The following TRIM9 variants were observed in gnomAD, a reference collection of about 807,000 sequenced individuals.
TRIM9 encodes E3 ubiquitin-protein ligase TRIM9.
TRIM9 carries 26 observed loss-of-function variants against 78.3 expected under a neutral mutation model. That is an observed-to-expected ratio of 0.33 (90% CI 0.24 to 0.46). The LOEUF is 0.46. Ranked by LOEUF, TRIM9 falls within the 20% of genes least tolerant of loss-of-function variation. The pLI is 1.00. For missense variants in TRIM9, 787 were observed against 1,036.4 expected, an observed-to-expected ratio of 0.76 and a Z score of 3.30; for synonymous variants, 398 against 416.5, an observed-to-expected ratio of 0.96 and a Z score of 0.54.
chr14:51,006,164 T>G (rs8006268), intron 5 of TRIM9, among the ~76,000 whole-genome samples: 8,047 of 152,266 alleles, frequency 0.053, 415 homozygotes, highest in African/African-American at 0.13. Flanking sequence ...TTAAGTAAAT[T>G]TGAAAATATT....
chr14:51,085,710 T>C (rs1463602633), intron 1 of TRIM9, among the ~76,000 whole-genome samples: 1 of 152,386 alleles, frequency 6.6e-6, no homozygotes, highest in East Asian at 1.9e-4. Context: ...CTATGGATTT[T>C]TATTTTTAAA....
rs1265431735 is a variant in TRIM9 at position 51,094,575 on chromosome 14, C to G, written c.365G>C (p.Arg122Pro). ...HLSPALAPVP[R>P]NSCITCPQCH... ...CTGGGGGCAGGTGATACAGGAGTTG[C>G]GGGGCACCGGGGCCAGGGCCGGTGA... Residue 122 changes from arginine to proline, a missense_variant, in exon 1 of 13, where the codon CGC becomes CCC. Arg to Pro is a moderately radical substitution (Grantham distance 103). Around this residue, in one of 3 missense-constraint regions of TRIM9, gnomAD observed 352 missense variants for 472.3 expected, o/e 0.75. Transcript: ENST00000684578. 1 of 1,611,616 alleles carries G rather than the reference C, an allele frequency of 6.2e-7. No individual in the cohort carries two copies. The highest frequency in any genetic ancestry group is 1.3e-5 in the African/African-American group (1 of 74,898).
At chr14:51,076,628 T>C (rs2062805269) in intron 1 of TRIM9, among the ~76,000 whole-genome samples, 1 of 152,224 alleles carries the variant, frequency 6.6e-6, no homozygotes, top group South Asian at 2.1e-4. Context: ...TAGCGCCATT[T>C]AACATGTGCC....
chr14:51,077,764 T>G (rs1254838444), intron 1 of TRIM9, among the ~76,000 whole-genome samples: 1 of 152,162 alleles, frequency 6.6e-6, no homozygotes. Flanking sequence ...GGATATGAAA[T>G]CACATCTCAT....
At chr14:51,000,939 T>C (rs1208233657) in intron 5 of TRIM9, 99 bp from the exon 6 acceptor site, 5 of 1,417,736 alleles carry the variant, frequency 3.5e-6, no homozygotes, top group Non-Finnish European at 4.9e-6. Context: ...TGGTTAGAAG[T>C]AGCCAGAATG....
Position 51,094,787 on chromosome 14 carries a change from C to T in TRIM9, c.153G>A (p.Arg51=), listed in dbSNP as rs765057735. 43 of 1,529,996 alleles carry T rather than the reference C, an allele frequency of 2.8e-5. No homozygotes were observed. The highest frequency in any genetic ancestry group is 3.8e-5 in the Non-Finnish European group (43 of 1,141,806). The allele number at this position is 1,529,996 out of a possible 1,614,324, so 94.8% of individuals were successfully genotyped here. ...TPESESPQSH[R]AAGSGVSDYD... ...AGTCGGAGACCCCGGAGCCCGCGGC[C>T]CGATGGCTCTGGGGGGATTCAGACT... Residue 51 remains arginine, a synonymous_variant, in exon 1 of 13, where the codon CGG becomes CGA. Coordinates refer to ENST00000684578, the MANE Select transcript of TRIM9 (RefSeq NM_001387360.1).
intron 1 of TRIM9, among the ~76,000 whole-genome samples, chr14:51,051,782 C>A (rs1239463947): frequency 6.6e-6 from 1 of 152,044 alleles, no homozygotes; most frequent in East Asian, 1.9e-4. Context: ...GCCTGGCCAA[C>A]ATAGTGAAAC....
chr14:51,026,132 G>C (rs1205186918), intron 1 of TRIM9, among the ~76,000 whole-genome samples: 1 of 152,178 alleles, frequency 6.6e-6, no homozygotes, highest in Non-Finnish European at 1.5e-5. Flanking sequence ...AAGTCTGCTG[G>C]GGACTGGAGG....
chr14:51,038,599 C>G (rs183341232), intron 1 of TRIM9, among the ~76,000 whole-genome samples: 1 of 152,264 alleles, frequency 6.6e-6, no homozygotes, highest in East Asian at 1.9e-4. Context: ...TGGCCCACTA[C>G]AACAATGTGA....
rs987938269 is a variant in TRIM9 at position 50,975,287 on chromosome 14, T to C, written c.*2004A>G. On this transcript the variant is annotated 3_prime_UTR_variant, in exon 13 of 13. Transcript: ENST00000684578. ...TTTATTCTCTCATAAAAATCATTTA[T>C]TGGCACATCAGAAATGACAATTTTT... is the stretch of plus-strand genomic sequence containing the variant. 2 of 152,654 alleles carry C rather than the reference T, an allele frequency of 1.3e-5. No homozygotes were observed. Among genetic ancestry groups the C allele is most frequent in the African/African-American group, 4.8e-5 (2 of 41,450 alleles). 9.5% of individuals were successfully genotyped at this position (152,654 alleles called of 1,614,324 possible). A position where few individuals can be genotyped will look rare whatever the true frequency, so the allele number is the denominator to read the frequency against.
chr14:51,094,253 G>A lies in TRIM9; in HGVS notation c.687C>T (p.Cys229=). 1 of 1,614,208 alleles carries A rather than the reference G, an allele frequency of 6.2e-7. No individual in the cohort carries two copies. The highest frequency in any genetic ancestry group is 8.5e-7 in the Non-Finnish European group (1 of 1,180,040). ...TGTGGTTCTCCAGCTCGTGGTCTGTGCAGGTGGAGACCTTGCGTGGGCTCA... is the reference window on the plus strand; with the variant it reads ...TGTGGTTCTCCAGCTCGTGGTCTGTACAGGTGGAGACCTTGCGTGGGCTCA... ...RRLSPRKVST[C]TDHELENHSM... Residue 229 remains cysteine, a synonymous_variant, in exon 1 of 13, where the codon TGC becomes TGT. Coordinates refer to ENST00000684578, the MANE Select transcript of TRIM9 (RefSeq NM_001387360.1).
chr14:51,020,185 G>A (rs1267303269), intron 3 of TRIM9, among the ~76,000 whole-genome samples: 1 of 152,130 alleles, frequency 6.6e-6, no homozygotes, highest in Non-Finnish European at 1.5e-5. Context: ...ACTGTGCTTG[G>A]CAAGTGATGT....
intron 1 of TRIM9, among the ~76,000 whole-genome samples, chr14:51,067,135 C>A (rs2061816135): frequency 6.6e-6 from 1 of 152,172 alleles, no homozygotes; most frequent in Non-Finnish European, 1.5e-5. Context: ...GGACAAAAAA[C>A]AACTATTAAT....
At chr14:51,081,722 C>G (rs952499721) in intron 1 of TRIM9, among the ~76,000 whole-genome samples, 1 of 152,174 alleles carries the variant, frequency 6.6e-6, no homozygotes, top group African/African-American at 2.4e-5. Context: ...TTTGATAATT[C>G]ACTAGAATGA....
chr14:50,982,895 G>T, intron 10 of TRIM9, 47 bp downstream of exon 10: 1 of 1,512,576 alleles, frequency 6.6e-7, no homozygotes, highest in Non-Finnish European at 9.0e-7. Flanking sequence ...CACCTCACAT[G>T]CACTTTGGTC....
intron 6 of TRIM9, among the ~76,000 whole-genome samples, chr14:51,000,292 GA>G (rs1157370042): frequency 1.3e-5 from 2 of 152,204 alleles, no homozygotes; most frequent in African/African-American, 4.8e-5. Context: ...AATTTTGTAT[GA>G]ATTATCTAAT....
At chr14:50,986,260 G>T (rs2052694842) in intron 7 of TRIM9, 116 bp from the exon 8 acceptor site, 2 of 941,532 alleles carry the variant, frequency 2.1e-6, no homozygotes, top group Non-Finnish European at 2.9e-6. Flanking sequence ...CTTTCCCACA[G>T]GGTGCCACAC....
chr14:51,074,950 A>G (rs1298190788), intron 1 of TRIM9, among the ~76,000 whole-genome samples: 3 of 152,242 alleles, frequency 2.0e-5, no homozygotes, highest in African/African-American at 7.2e-5. Context: ...GAAGCTTGAA[A>G]GAGGAGGGAA....
intron 1 of TRIM9, among the ~76,000 whole-genome samples, chr14:51,031,147 C>CAAAAAAAAAAAAAAAAAAAAAAAAA (rs1210514761): frequency 9.9e-6 from 1 of 100,766 alleles, no homozygotes; most frequent in Non-Finnish European, 1.9e-5. Context: ...AAACTCTTTC[C>CAAAAAAAAAAAAAAAAAAAAAAAAA]AAAAAAAAAA....
Sources: allele counts gnomAD v4.1 joint callset (sites outside exome capture counted in the v4.1 genomes callset), GRCh38; gene constraint gnomAD v4.1.1; regional missense constraint gnomAD v4.1.1; transcripts MANE v1.5; gene names NCBI Gene and HGNC (gene_info 2026-07-23, HGNC 2026-07-21).